Variants in PCDHA8 observed in about 807,000 individuals in gnomAD.
PCDHA8 encodes the protein protocadherin alpha 8.
In PCDHA8, 53 loss-of-function variants were observed where a neutral mutation model predicts 61.8. That is an observed-to-expected ratio of 0.86 (90% confidence interval 0.69 to 1.08). The LOEUF (loss-of-function observed/expected upper bound fraction) is 1.08. PCDHA8 is among the 50% of genes least tolerant of loss of function. The pLI is 0.00. For missense variants in PCDHA8, 1,293 were observed against 1,245.0 expected, an observed-to-expected ratio of 1.04 and a Z score of -0.58; for synonymous variants, 618 against 556.6, an observed-to-expected ratio of 1.11 and a Z score of -1.55.
chr5:140,902,413 C>T (rs2069433988), intron 1 of PCDHA8, among the ~76,000 whole-genome samples: 1 of 152,014 alleles, frequency 6.6e-6, no homozygotes, highest in African/African-American at 2.4e-5. Context: ...TGTTGAATAA[C>T]AGTGGTGAAA....
At chr5:140,865,590 T>G (rs1353926761) in intron 1 of PCDHA8, 3 of 152,234 alleles carry the variant, frequency 2.0e-5, no homozygotes, top group Non-Finnish European at 4.4e-5. Flanking sequence ...AAATCACCAT[T>G]GTTTGAGCAG....
Position 140,863,381 on chromosome 5 carries a change from G to A in PCDHA8, c.2394+19666G>A, listed in dbSNP as rs1186134797. 4 of 1,058,516 alleles carry A rather than the reference G, an allele frequency of 3.8e-6. No homozygotes were observed. In the African/African-American group the frequency reaches 4.8e-5, roughly 13 times the overall value. 65.6% of individuals were successfully genotyped at this position (1,058,516 alleles called of 1,614,324 possible). ...CGGTGCTTGGCGCAGCTCACCGAGAGCTCGTGCATGCCGGGCAAGCCCACG... is the reference window on the plus strand; with the variant it reads ...CGGTGCTTGGCGCAGCTCACCGAGAACTCGTGCATGCCGGGCAAGCCCACG... On this transcript the variant is annotated intron_variant, in intron 1 of 3. Transcript: ENST00000531613.
chr5:140,999,550 G>A (rs1250301883), intron 3 of PCDHA8, among the ~76,000 whole-genome samples: 2 of 152,120 alleles, frequency 1.3e-5, no homozygotes, highest in African/African-American at 4.8e-5. Context: ...CCAATGAAGA[G>A]GGGGTATTTT....
rs1282110712 is a variant in PCDHA8, at chr5:140,926,177, A to G, written c.2395-52772A>G. Among the ~76,000 whole-genome samples the G allele has an allele frequency of 2.0e-5, 3 of 151,672 alleles. No individual in the cohort carries two copies. The South Asian group carries it at 6.6e-4, about 34-fold the overall frequency. On this transcript the variant is annotated intron_variant, in intron 1 of 3. Coordinates refer to ENST00000531613, the MANE Select transcript of PCDHA8 (RefSeq NM_018911.3). ...CTCTGCAGCAGGATCCAGCGCGGAA[A>G]GCCCCCCGCAGCACTTCTTTCGGGG...
At position 140,857,673 on chromosome 5, in the gene PCDHA8, C is replaced by G. The variant is rs372854727; in HGVS notation, c.2394+13958C>G. On this transcript the variant is annotated intron_variant, in intron 1 of 3. Transcript: ENST00000531613. The stretch of plus-strand genomic sequence containing the variant: ...GTGAGCGCGCGCGATGGGGGCGTGC[C>G]GCCTCTGGGCAGCAACTTGACGCTG... 6.3e-7 allele frequency: 1 copy of G among 1,596,942 alleles called. No homozygotes were observed. Among genetic ancestry groups the G allele is most frequent in the Non-Finnish European group, 8.6e-7 (1 of 1,167,760 alleles).
chr5:140,924,527 G>T (rs2081885403), intron 1 of PCDHA8, among the ~76,000 whole-genome samples: 1 of 152,074 alleles, frequency 6.6e-6, no homozygotes. Context: ...AAAAGAGAAT[G>T]CCCGAGCTAC....
rs1383347742 is a variant in PCDHA8, at chr5:140,943,271, AAAAAAAG to A, written c.2395-35674_2395-35668del. ...AGACTCTGTCTCAAAAAAAAAAAAA[AAAAAAAG>A]AAAGAAAGAATTAAATTTTGGGAAG... On this transcript the variant is annotated intron_variant, in intron 1 of 3. Transcript: ENST00000531613. Among the ~76,000 whole-genome samples, 73 of 150,734 alleles carry A rather than the reference AAAAAAAG, an allele frequency of 4.8e-4. 1 individual carries two copies. The highest frequency in any genetic ancestry group is 1.6e-3 in the African/African-American group (65 of 40,848).
intron 1 of PCDHA8, chr5:140,875,904 A>G: frequency 1.9e-6 from 3 of 1,614,194 alleles, no homozygotes; most frequent in Non-Finnish European, 2.5e-6. Context: ...CTGTTTCTGA[A>G]TCTGCGCCTC....
intron 1 of PCDHA8, among the ~76,000 whole-genome samples, chr5:140,905,354 A>T (rs926429746): frequency 3.3e-5 from 5 of 152,030 alleles, no homozygotes; most frequent in Non-Finnish European, 5.9e-5. Context: ...TAAGTATTTG[A>T]CTATATTTCT....
rs114351206 is a variant in PCDHA8 at position 140,991,799 on chromosome 5, G to A, written c.2542+9236G>A. Among the ~76,000 whole-genome samples the A allele has an allele frequency of 3.8e-3, 580 of 152,160 alleles. 3 individuals are homozygous for A. The highest frequency in any genetic ancestry group is 0.013 in the African/African-American group (548 of 41,490). On this transcript the variant is annotated intron_variant, in intron 3 of 3. Coordinates refer to ENST00000531613, the MANE Select transcript of PCDHA8 (RefSeq NM_018911.3). ...ACTCTGCCCATTTCCCAATCTCAAG[G>A]CCACTTCCGCATTTTTAGGCATTTA... is the stretch of plus-strand genomic sequence containing the variant.
chr5:141,006,726 A>G (rs2098284944), intron 3 of PCDHA8, among the ~76,000 whole-genome samples: 1 of 152,172 alleles, frequency 6.6e-6, no homozygotes, highest in African/African-American at 2.4e-5. Flanking sequence ...CAGAAATGAC[A>G]GGTCTTGATG....
At chr5:140,978,405 A>G (rs919688095) in intron 1 of PCDHA8, among the ~76,000 whole-genome samples, 1 of 152,220 alleles carries the variant, frequency 6.6e-6, no homozygotes, top group Non-Finnish European at 1.5e-5. Context: ...TCCCTCTTCA[A>G]TCAGAAAAGA....
chr5:141,009,356 G>A (rs535761188), intron 3 of PCDHA8, among the ~76,000 whole-genome samples: 1 of 152,204 alleles, frequency 6.6e-6, no homozygotes, highest in Admixed American at 6.5e-5. Flanking sequence ...CTACTTGGGA[G>A]GCTAAGATGG....
chr5:140,887,885 A>G (rs1281444456), intron 1 of PCDHA8, among the ~76,000 whole-genome samples: 1 of 152,144 alleles, frequency 6.6e-6, no homozygotes, highest in Non-Finnish European at 1.5e-5. Context: ...TTGTAGTATC[A>G]TATCTGTTAA....
At chr5:140,887,473 G>T (rs574265811) in intron 1 of PCDHA8, among the ~76,000 whole-genome samples, 10 of 152,222 alleles carry the variant, frequency 6.6e-5, no homozygotes, top group African/African-American at 2.4e-4. Flanking sequence ...TAATTCAGTT[G>T]TCTTCTGGCT....
intron 1 of PCDHA8, chr5:140,927,252 C>A: frequency 6.2e-7 from 1 of 1,614,134 alleles, no homozygotes; most frequent in Non-Finnish European, 8.5e-7. Flanking sequence ...CCAATGACAA[C>A]TCACCTCTCT....
Position 140,876,427 on chromosome 5 carries a change from C to T in PCDHA8, c.2394+32712C>T, listed in dbSNP as rs267600399. 4 of 1,613,798 alleles carry T rather than the reference C, an allele frequency of 2.5e-6. No homozygotes were observed. The African/African-American group carries it at 5.3e-5, about 22-fold the overall frequency. On this transcript the variant is annotated intron_variant, in intron 1 of 3. Coordinates refer to ENST00000531613, the MANE Select transcript of PCDHA8 (RefSeq NM_018911.3). ...TGAAGAGAATAATGCCTATGAAATT[C>T]AGGTTAACGCCATTGATAAAGGGAT...
At chr5:140,877,323 C>A in intron 1 of PCDHA8, 1 of 1,613,988 alleles carries the variant, frequency 6.2e-7, no homozygotes, top group Non-Finnish European at 8.5e-7. Context: ...CGGCGGTCGG[C>A]GCGCACATCC....
At chr5:140,965,994 T>C (rs1377339531) in intron 1 of PCDHA8, among the ~76,000 whole-genome samples, 1 of 152,130 alleles carries the variant, frequency 6.6e-6, no homozygotes, top group Non-Finnish European at 1.5e-5. Context: ...TCTGCAGTAC[T>C]TAAGAGTGTC....
Sources: gnomAD v4.1 joint callset for allele counts (sites outside exome capture counted in the v4.1 genomes callset) on GRCh38, gnomAD v4.1.1 for gene constraint, MANE v1.5 for transcripts, NCBI Gene and HGNC (gene_info 2026-07-23, HGNC 2026-07-21) for gene names.